CTNNA3: variants seen among roughly 807,000 people sequenced by gnomAD.
The protein encoded by CTNNA3 is catenin alpha-3.
Under a neutral mutation model 95.7 loss-of-function variants are expected in CTNNA3, and 76 were observed. The observed-to-expected ratio is 0.79, with a 90% CI of 0.66 to 0.96. The LOEUF is 0.96. Ranked by LOEUF, CTNNA3 falls within the 40% of genes least tolerant of loss-of-function variation. The pLI, the probability that CTNNA3 is intolerant of heterozygous loss-of-function variation, is 0.00. For missense variants in CTNNA3, 1,191 were observed against 1,089.8 expected, an observed-to-expected ratio of 1.09 and a Z score of -1.31; for synonymous variants, 431 against 374.4, an observed-to-expected ratio of 1.15 and a Z score of -1.74.
intron 3 of CTNNA3, among the ~76,000 whole-genome samples, chr10:67,576,185 T>A (rs1842137355): frequency 6.6e-6 from 1 of 152,156 alleles, no homozygotes; most frequent in South Asian, 2.1e-4. Flanking sequence ...AGGCTGGGCT[T>A]AGTTATTTAA....
intron 2 of CTNNA3, among the ~76,000 whole-genome samples, chr10:67,638,345 C>A (rs1839399474): frequency 6.6e-6 from 1 of 152,062 alleles, no homozygotes; most frequent in African/African-American, 2.4e-5. Flanking sequence ...ACAGGAGCAC[C>A]CAGATTCATA....
chr10:67,724,637 C>G (rs1329566970), intron 1 of CTNNA3, among the ~76,000 whole-genome samples: 1 of 152,192 alleles, frequency 6.6e-6, no homozygotes, highest in Non-Finnish European at 1.5e-5. Context: ...GGGCAAGGAG[C>G]TGATAAACAA....
At chr10:66,229,760 C>A (rs1469799162) in intron 13 of CTNNA3, among the ~76,000 whole-genome samples, 4 of 152,066 alleles carry the variant, frequency 2.6e-5, no homozygotes, top group Admixed American at 1.3e-4. Flanking sequence ...ATATCCATAT[C>A]TCTTCTAAGA....
chr10:66,902,970 C>T lies in CTNNA3; in HGVS notation c.1048-127446G>A, dbSNP rs568107803. 3.9e-5 allele frequency among the ~76,000 whole-genome samples: 6 copies of T among 152,268 alleles called. No homozygotes were observed. The South Asian group carries it at 1.2e-3, about 32-fold the overall frequency. ...AGTACAAAGAGGAGCTGATACCATTCCTTCTGAAACTATTCCAATCAATAG... is the reference window on the plus strand; with the variant it reads ...AGTACAAAGAGGAGCTGATACCATTTCTTCTGAAACTATTCCAATCAATAG... On this transcript the variant is annotated intron_variant, in intron 7 of 17. Coordinates refer to ENST00000433211, the MANE Select transcript of CTNNA3 (RefSeq NM_013266.4).
At chr10:66,116,963 C>G (rs1187082556) in intron 13 of CTNNA3, among the ~76,000 whole-genome samples, 2 of 152,188 alleles carry the variant, frequency 1.3e-5, no homozygotes, top group Non-Finnish European at 2.9e-5. Context: ...TCCTCCAACA[C>G]ATGTGGATTA....
At chr10:67,640,226 C>A (rs945203024) in intron 2 of CTNNA3, among the ~76,000 whole-genome samples, 1 of 152,010 alleles carries the variant, frequency 6.6e-6, no homozygotes, top group African/African-American at 2.4e-5. Context: ...AAACAGAGAG[C>A]CAAATCATGA....
At chr10:67,663,165 T>G (rs1463586357) in intron 1 of CTNNA3, among the ~76,000 whole-genome samples, 2 of 152,320 alleles carry the variant, frequency 1.3e-5, no homozygotes, top group Non-Finnish European at 2.9e-5. Context: ...CAGGTTATTC[T>G]CAATATCATC....
At chr10:65,984,805 T>A (rs2078394053) in intron 16 of CTNNA3, among the ~76,000 whole-genome samples, 1 of 151,278 alleles carries the variant, frequency 6.6e-6, no homozygotes, top group Admixed American at 6.6e-5. Context: ...TACATGTAAA[T>A]ATGTGTCATG....
At chr10:67,519,803 G>A (rs1839928185) in intron 5 of CTNNA3, among the ~76,000 whole-genome samples, 1 of 152,098 alleles carries the variant, frequency 6.6e-6, no homozygotes. Context: ...TGCTAAACTG[G>A]CAATTTTACA....
intron 17 of CTNNA3, among the ~76,000 whole-genome samples, chr10:65,960,549 G>T (rs554637347): frequency 2.6e-5 from 4 of 152,060 alleles, no homozygotes; most frequent in Non-Finnish European, 5.9e-5. Flanking sequence ...AGATTCAGGG[G>T]GTACATGTGC....
At chr10:67,288,307 T>A (rs556430221) in intron 5 of CTNNA3, among the ~76,000 whole-genome samples, 1 of 152,288 alleles carries the variant, frequency 6.6e-6, no homozygotes, top group Non-Finnish European at 1.5e-5. Context: ...GAAGCACAGA[T>A]GATGGCTGTG....
chr10:66,649,701 C>T, intron 9 of CTNNA3, among the ~76,000 whole-genome samples: 1 of 152,212 alleles, frequency 6.6e-6, no homozygotes, highest in East Asian at 1.9e-4. Flanking sequence ...TAGACTCAAT[C>T]TCTGGGCCTG....
intron 11 of CTNNA3, among the ~76,000 whole-genome samples, chr10:66,399,389 C>A (rs2441716): frequency 0.2 from 30,791 of 151,588 alleles, 3,869 homozygotes; most frequent in African/African-American, 0.36. Flanking sequence ...CAGAAAAAAA[C>A]CACAAGAGAT....
intron 17 of CTNNA3, among the ~76,000 whole-genome samples, chr10:65,938,434 T>A (rs1173320417): frequency 6.6e-6 from 1 of 152,152 alleles, no homozygotes; most frequent in Non-Finnish European, 1.5e-5. Context: ...ATGTCAAGAA[T>A]CAATTTGTCA....
intron 9 of CTNNA3, among the ~76,000 whole-genome samples, chr10:66,641,911 T>C (rs1300414405): frequency 1.3e-5 from 2 of 152,172 alleles, no homozygotes; most frequent in African/African-American, 4.8e-5. Flanking sequence ...AACCCAAAGC[T>C]ACAGCAGAAC....
chr10:66,721,442 C>T (rs1163873882), intron 9 of CTNNA3, among the ~76,000 whole-genome samples: 6 of 152,150 alleles, frequency 3.9e-5, no homozygotes, highest in African/African-American at 1.4e-4. Context: ...AATAAAGAAA[C>T]ATTTATTAGG....
intron 17 of CTNNA3, among the ~76,000 whole-genome samples, chr10:65,943,230 A>G (rs1589154403): frequency 6.6e-6 from 1 of 151,722 alleles, no homozygotes; most frequent in Non-Finnish European, 1.5e-5. Flanking sequence ...TGCCTGGCTA[A>G]TTTTTTTGTA....
At chr10:66,702,688 CAA>C (rs1847986642) in intron 9 of CTNNA3, among the ~76,000 whole-genome samples, 1 of 80,550 alleles carries the variant, frequency 1.2e-5, no homozygotes, top group South Asian at 4.0e-4. Flanking sequence ...GCCTGGGCAA[CAA>C]GAGTGAAACT....
At chr10:67,433,111 G>C (rs888148660) in intron 5 of CTNNA3, among the ~76,000 whole-genome samples, 9 of 151,954 alleles carry the variant, frequency 5.9e-5, no homozygotes, top group Non-Finnish European at 1.2e-4. Flanking sequence ...ACTATTTTTA[G>C]CTTTTTACTT....
Sources: allele counts gnomAD v4.1 joint callset (sites outside exome capture counted in the v4.1 genomes callset), GRCh38; gene constraint gnomAD v4.1.1; transcripts MANE v1.5; gene names NCBI Gene and HGNC (gene_info 2026-07-23, HGNC 2026-07-21).